SLIT3: variants seen among roughly 807,000 people sequenced by gnomAD.
SLIT3 encodes slit guidance ligand 3.
SLIT3 carries 68 observed loss-of-function variants against 184.0 expected under a neutral mutation model. That is an observed-to-expected ratio of 0.37 (90% CI 0.30 to 0.45). The LOEUF (loss-of-function observed/expected upper bound fraction) is 0.45. Ranked by LOEUF, SLIT3 falls within the 20% of genes least tolerant of loss-of-function variation. SLIT3 has a pLI of 1.00. For synonymous variants in SLIT3, 831 were observed against 828.6 expected (o/e 1.00, Z -0.05); for missense variants, 1,707 against 2,026.0 (o/e 0.84, Z 3.02).
In SLIT3 at chr5:169,150,504, A is replaced by G. The variant is rs1022841496; in HGVS notation, c.413+42975T>C. ...GAGGAACAATTTCCCATCCCATTCT[A>G]TTTCACTCACATACACACACACACA... On this transcript the variant is annotated intron_variant, in intron 4 of 35. Transcript: ENST00000519560. 3.3e-4 allele frequency among the ~76,000 whole-genome samples: 48 copies of G among 146,506 alleles called. 2 individuals are homozygous for G. The highest frequency in any genetic ancestry group is 1.2e-3 in the African/African-American group (47 of 37,822).
intron 16 of SLIT3, among the ~76,000 whole-genome samples, chr5:168,757,281 T>C (rs777143787): frequency 5.3e-5 from 8 of 152,204 alleles, no homozygotes; most frequent in Non-Finnish European, 1.0e-4. Context: ...TGCATTAATA[T>C]CTGTACTGTC....
At chr5:169,189,033 C>G (rs1003837769) in intron 4 of SLIT3, among the ~76,000 whole-genome samples, 2 of 152,128 alleles carry the variant, frequency 1.3e-5, no homozygotes, top group Non-Finnish European at 2.9e-5. Flanking sequence ...GTGACCCAAG[C>G]ATCGTAGAGA....
chr5:169,223,294 C>T lies in SLIT3; in HGVS notation c.341+21411G>A, dbSNP rs571391211. On this transcript the variant is annotated intron_variant, in intron 3 of 35. Transcript: ENST00000519560. The stretch of plus-strand genomic sequence containing the variant: ...AAGCCTTGGAGTGGGGATGCTATGA[C>T]CTCTAGGTAAAGAACGAGTGACTGA... Among the ~76,000 whole-genome samples the T allele has an allele frequency of 3.7e-3, 558 of 152,302 alleles. 6 individuals carry two copies. The highest frequency in any genetic ancestry group is 6.7e-3 in the Non-Finnish European group (457 of 68,030).
At chr5:169,298,328 C>T (rs2113669180) in intron 1 of SLIT3, among the ~76,000 whole-genome samples, 1 of 152,154 alleles carries the variant, frequency 6.6e-6, no homozygotes, top group African/African-American at 2.4e-5. Flanking sequence ...CAGTCTCTGT[C>T]CTGTTTCTCC....
chr5:169,140,822 A>G (rs1316964673), intron 4 of SLIT3, among the ~76,000 whole-genome samples: 2 of 152,170 alleles, frequency 1.3e-5, no homozygotes, highest in African/African-American at 2.4e-5. Flanking sequence ...AATGCAGGCC[A>G]AAGTTTAGAC....
chr5:169,005,625 C>T (rs918950789), intron 4 of SLIT3, among the ~76,000 whole-genome samples: 1 of 152,142 alleles, frequency 6.6e-6, no homozygotes, highest in East Asian at 1.9e-4. Flanking sequence ...TATGTATATC[C>T]CTACTTTCAT....
At chr5:168,700,394 T>C (rs1762179739) in intron 27 of SLIT3, among the ~76,000 whole-genome samples, 188 bp downstream of exon 27, 1 of 152,246 alleles carries the variant, frequency 6.6e-6, no homozygotes, top group African/African-American at 2.4e-5. Flanking sequence ...AGCTCTCTTT[T>C]GCCTCCCGCC....
At chr5:168,856,144 T>C (rs6555832) in intron 5 of SLIT3, among the ~76,000 whole-genome samples, 3 of 151,912 alleles carry the variant, frequency 2.0e-5, no homozygotes, top group Non-Finnish European at 4.4e-5. Context: ...TAGATAAAAG[T>C]GATGGGTGCA....
At chr5:169,231,971 T>C (rs1765020172) in intron 3 of SLIT3, among the ~76,000 whole-genome samples, 2 of 152,202 alleles carry the variant, frequency 1.3e-5, no homozygotes, top group African/African-American at 4.8e-5. Context: ...TTTTGCGAAG[T>C]GTCCAAAACT....
At chr5:168,775,258 G>C (rs535716337) in intron 12 of SLIT3, among the ~76,000 whole-genome samples, 2 of 151,900 alleles carry the variant, frequency 1.3e-5, no homozygotes, top group Admixed American at 1.3e-4. Flanking sequence ...GGCTGGTCTC[G>C]AACTCCTGAC....
intron 4 of SLIT3, among the ~76,000 whole-genome samples, chr5:169,186,364 G>C (rs1763334980): frequency 1.3e-5 from 2 of 152,154 alleles, no homozygotes. Flanking sequence ...GAGGCACCAG[G>C]AGGAACTAAT....
rs1278756263 is a variant in SLIT3, at chr5:168,897,642, G to A, written c.414-14306C>T. Among the ~76,000 whole-genome samples the A allele has an allele frequency of 1.5e-4, 3 of 19,492 alleles. No homozygotes were observed. In the South Asian group the frequency reaches 8.9e-3, roughly 58 times the overall value. 12.8% of individuals were successfully genotyped at this position (19,492 alleles called of 152,430 possible). The stretch of plus-strand genomic sequence containing the variant: ...AAAGAGAAAGAGGATGGAGACAGGT[G>A]CACGTACACACACACACACACACAC... On this transcript the variant is annotated intron_variant, in intron 4 of 35. Transcript: ENST00000519560.
intron 4 of SLIT3, among the ~76,000 whole-genome samples, chr5:169,039,019 G>A (rs564170870): frequency 2.0e-5 from 3 of 152,192 alleles, no homozygotes; most frequent in East Asian, 1.9e-4. Flanking sequence ...TTGAAACATC[G>A]GGATAGGATG....
intron 5 of SLIT3, among the ~76,000 whole-genome samples, chr5:168,882,472 C>T (rs746581139): frequency 2.6e-5 from 4 of 152,146 alleles, no homozygotes; most frequent in African/African-American, 4.8e-5. Context: ...CAAATCTGCA[C>T]GTGATGAAAT....
At chr5:168,961,515 T>C (rs192374840) in intron 4 of SLIT3, among the ~76,000 whole-genome samples, 156 of 152,256 alleles carry the variant, frequency 1.0e-3, no homozygotes, top group Non-Finnish European at 1.9e-3. Context: ...AAAACTATAA[T>C]AGCAATAAGT....
At chr5:169,105,712 G>T (rs1239714810) in intron 4 of SLIT3, among the ~76,000 whole-genome samples, 1 of 152,212 alleles carries the variant, frequency 6.6e-6, no homozygotes, top group Non-Finnish European at 1.5e-5. Flanking sequence ...GCAGTGTTTG[G>T]TTTTCTGTTC....
At chr5:169,224,731 G>T (rs1357715734) in intron 3 of SLIT3, among the ~76,000 whole-genome samples, 1 of 152,140 alleles carries the variant, frequency 6.6e-6, no homozygotes, top group Non-Finnish European at 1.5e-5. Flanking sequence ...CTGTTGCCCA[G>T]GCTGGAGTGC....
intron 1 of SLIT3, among the ~76,000 whole-genome samples, chr5:169,292,488 C>T (rs1319114795): frequency 6.6e-6 from 1 of 152,132 alleles, no homozygotes; most frequent in African/African-American, 2.4e-5. Context: ...AAAGAAGATG[C>T]TACAAGCCAA....
intron 4 of SLIT3, among the ~76,000 whole-genome samples, chr5:169,044,922 G>GT (rs1172922355): frequency 6.6e-6 from 1 of 152,172 alleles, no homozygotes; most frequent in Non-Finnish European, 1.5e-5. Flanking sequence ...CAACAACAGT[G>GT]TAAGCTTCCT....
Sources: allele counts gnomAD v4.1 joint callset (sites outside exome capture counted in the v4.1 genomes callset), GRCh38; gene constraint gnomAD v4.1.1; transcripts MANE v1.5; gene names NCBI Gene and HGNC (gene_info 2026-07-23, HGNC 2026-07-21).